HOXB13: variants seen among roughly 807,000 people sequenced by gnomAD.
HOXB13 encodes homeobox B13.
HOXB13 carries 22 observed loss-of-function variants against 23.1 expected under a neutral mutation model. The ratio of observed to expected loss-of-function variants is 0.95; its 90% confidence interval spans 0.68 to 1.36. The LOEUF (loss-of-function observed/expected upper bound fraction) is 1.36. Among genes scored for constraint, HOXB13 ranks in the 40% most tolerant of loss-of-function variants. The probability of loss-of-function intolerance (pLI) is 0.00; values close to 1 mark genes in which losing one functional copy is unlikely to be tolerated. For synonymous variants in HOXB13, 173 were observed against 157.9 expected, an observed-to-expected ratio of 1.10 and a Z score of -0.72; for missense variants, 386 against 376.2, an observed-to-expected ratio of 1.03 and a Z score of -0.22.
intron 1 of HOXB13, 122 bp downstream of exon 1, chr17:48,727,871 G>A: frequency 1.6e-6 from 2 of 1,218,514 alleles, no homozygotes; most frequent in African/African-American, 1.5e-5. Context: ...TAATAACCAA[G>A]GGAGGAGCAC....
rs2038213240 is a variant in HOXB13, at chr17:48,726,706, T to C, written c.*84A>G. 6.5e-7 allele frequency: 1 copy of C among 1,535,860 alleles called. No individual in the cohort carries two copies. Among genetic ancestry groups the C allele is most frequent in the East Asian group, 2.3e-5 (1 of 44,122 alleles). On this transcript the variant is annotated 3_prime_UTR_variant, in exon 2 of 2. Transcript: ENST00000290295. ...CTCTAGGGGCCTCTCAGCAGAGTCC[T>C]TGGCCCCAGCCTGGGCTTGGCAGGT... is the stretch of plus-strand genomic sequence containing the variant.
chr17:48,726,057 T>C lies in HOXB13; in HGVS notation c.*733A>G, dbSNP rs570975321. 4.6e-5 allele frequency: 7 copies of C among 152,400 alleles called. No homozygotes were observed. Among genetic ancestry groups the C allele is most frequent in the African/African-American group, 1.4e-4 (6 of 41,586 alleles). The allele number at this position is 152,400 out of a possible 1,614,324, so 9.4% of individuals were successfully genotyped here. ...CAGAGAGTTTGGGGGAGGAAATTAA[T>C]GGTGAATTACCCAGGCACTTTCTCA... On this transcript the variant is annotated 3_prime_UTR_variant, in exon 2 of 2. Coordinates refer to ENST00000290295, the MANE Select transcript of HOXB13 (RefSeq NM_006361.6).
Position 48,728,630 on chromosome 17 carries a change from G to A in HOXB13, c.-37C>T. The A allele has an allele frequency of 6.2e-7, 1 of 1,605,498 alleles. No individual in the cohort carries two copies. The highest frequency in any genetic ancestry group is 1.3e-5 in the African/African-American group (1 of 74,820). ...TCGGCTCATGAGGTGCGGGGGCGGG[G>A]AATCTAGGGGGCACCCAGCTCGCTC... On this transcript the variant is annotated 5_prime_UTR_variant, in exon 1 of 2. Coordinates refer to ENST00000290295, the MANE Select transcript of HOXB13 (RefSeq NM_006361.6).
In HOXB13 at chr17:48,726,783, A is replaced by G. The variant is rs1326620859; in HGVS notation, c.*7T>C. ...TTTCGCTCCTCCCACCCAGGCAAGG[A>G]GATCTCTTAAGGGGTAGCGCTGTTC... On this transcript the variant is annotated 3_prime_UTR_variant, in exon 2 of 2. Transcript: ENST00000290295. 1 of 1,612,174 alleles carries G rather than the reference A, an allele frequency of 6.2e-7. No individual in the cohort carries two copies. The highest frequency in any genetic ancestry group is 1.7e-5 in the Admixed American group (1 of 59,970).
rs868133556 is a variant in HOXB13 at position 48,728,017 on chromosome 17, G to C, written c.577C>G (p.Pro193Ala). 1 of 1,614,126 alleles carries C rather than the reference G, an allele frequency of 6.2e-7. No homozygotes were observed. Among genetic ancestry groups the C allele is most frequent in the African/African-American group, 1.3e-5 (1 of 75,044 alleles). Residue 193 changes from proline (P) to alanine (A), a missense_variant, in exon 1 of 2, where the codon CCC (proline) becomes GCC (alanine). Coordinates refer to ENST00000290295, the MANE Select transcript of HOXB13 (RefSeq NM_006361.6). ...CCQGEQNPPG[P>A]FWKAAFADSS... ...CCTGCAAATGCTGCCTTCCAAAAGG[G>C]ACCTGGTGGGTTCTGTTCTCCCTGG...
In HOXB13 at chr17:48,728,733, G is replaced by C; in HGVS notation, c.-140C>G. The C allele has an allele frequency of 1.3e-6, 1 of 789,110 alleles. No homozygotes were observed. Among genetic ancestry groups the C allele is most frequent in the Non-Finnish European group, 2.0e-6 (1 of 500,498 alleles). The allele number at this position is 789,110 out of a possible 1,614,324, so 48.9% of individuals were successfully genotyped here. On this transcript the variant is annotated 5_prime_UTR_variant, in exon 1 of 2. Coordinates refer to ENST00000290295, the MANE Select transcript of HOXB13 (RefSeq NM_006361.6). ...AAGTCGCCTGCATTCGCTCAGCACG[G>C]CCGTCTTGACGCAAGAGACGCAGGG...
rs1335870843 is a variant in HOXB13, at chr17:48,726,699, A to C, written c.*91T>G. ...GTGTTGTCTCTAGGGGCCTCTCAGC[A>C]GAGTCCTTGGCCCCAGCCTGGGCTT... On this transcript the variant is annotated 3_prime_UTR_variant, in exon 2 of 2. Coordinates refer to ENST00000290295, the MANE Select transcript of HOXB13 (RefSeq NM_006361.6). 1.2e-5 allele frequency: 18 copies of C among 1,498,376 alleles called. No individual in the cohort carries two copies. The highest frequency in any genetic ancestry group is 1.6e-5 in the Non-Finnish European group (18 of 1,105,918). 92.8% of individuals were successfully genotyped at this position (1,498,376 alleles called of 1,614,324 possible). A position where few individuals can be genotyped will look rare whatever the true frequency, so the allele number is the denominator to read the frequency against.
chr17:48,728,630 G>C lies in HOXB13; in HGVS notation c.-37C>G. 6.2e-7 allele frequency: 1 copy of C among 1,605,498 alleles called. No individual in the cohort carries two copies. The highest frequency in any genetic ancestry group is 1.1e-5 in the South Asian group (1 of 90,224). ...TCGGCTCATGAGGTGCGGGGGCGGG[G>C]AATCTAGGGGGCACCCAGCTCGCTC... On this transcript the variant is annotated 5_prime_UTR_variant, in exon 1 of 2. Coordinates refer to ENST00000290295, the MANE Select transcript of HOXB13 (RefSeq NM_006361.6).
At position 48,726,446 on chromosome 17, in the gene HOXB13, C is replaced by G; in HGVS notation, c.*344G>C. 1 of 249,596 alleles carries G rather than the reference C, an allele frequency of 4.0e-6. No individual in the cohort carries two copies. The highest frequency in any genetic ancestry group is 1.1e-4 in the South Asian group (1 of 8,700). The allele number at this position is 249,596 out of a possible 1,614,324, so 15.5% of individuals were successfully genotyped here. ...TTAGCTCAATTCATGAAAGCGGTTT[C>G]TAAAGTGCTCTACAGAGCTCTAGAT... On this transcript the variant is annotated 3_prime_UTR_variant, in exon 2 of 2. Coordinates refer to ENST00000290295, the MANE Select transcript of HOXB13 (RefSeq NM_006361.6).
Position 48,726,728 on chromosome 17 carries a change from AG to A in HOXB13, c.*61del. The A allele has an allele frequency of 6.3e-7, 1 of 1,583,538 alleles. No homozygotes were observed. Among genetic ancestry groups the A allele is most frequent in the Non-Finnish European group, 8.6e-7 (1 of 1,163,028 alleles). ...TCCTTGGCCCCAGCCTGGGCTTGGC[AG>A]GTTCCTGGTCTCCCCAGGACACCCC... On this transcript the variant is annotated 3_prime_UTR_variant, in exon 2 of 2. Transcript: ENST00000290295.
rs1030565733 is a variant in HOXB13 at position 48,726,441 on chromosome 17, G to A, written c.*349C>T. ...CATAATTAGCTCAATTCATGAAAGC[G>A]GTTTCTAAAGTGCTCTACAGAGCTC... On this transcript the variant is annotated 3_prime_UTR_variant, in exon 2 of 2. Transcript: ENST00000290295. 3.9e-5 allele frequency: 9 copies of A among 231,378 alleles called. No homozygotes were observed. The highest frequency in any genetic ancestry group is 7.6e-5 in the Non-Finnish European group (9 of 118,714). 14.3% of individuals were successfully genotyped at this position (231,378 alleles called of 1,614,324 possible).
rs924383562 is a variant in HOXB13 at position 48,728,692 on chromosome 17, A to G, written c.-99T>C. 2.1e-5 allele frequency: 25 copies of G among 1,193,522 alleles called. 1 individual carries two copies. In the South Asian group the frequency reaches 2.5e-4, roughly 12 times the overall value. 73.9% of individuals were successfully genotyped at this position (1,193,522 alleles called of 1,614,324 possible). A position where few individuals can be genotyped will look rare whatever the true frequency, so the allele number is the denominator to read the frequency against. ...GCCGGGGGAATCCAAAGCGTTTTAA[A>G]TCGCTCCCAGCTCGCAAGTCGCCTG... On this transcript the variant is annotated 5_prime_UTR_variant, in exon 1 of 2. Transcript: ENST00000290295.
At position 48,725,018 on chromosome 17, in the gene HOXB13, G is replaced by C. The variant is rs904661714; in HGVS notation, c.*1772C>G. 27 of 203,256 alleles carry C rather than the reference G, an allele frequency of 1.3e-4. No individual in the cohort carries two copies. The highest frequency in any genetic ancestry group is 6.0e-4 in the African/African-American group (26 of 43,498). 12.6% of individuals were successfully genotyped at this position (203,256 alleles called of 1,614,324 possible). A position where few individuals can be genotyped will look rare whatever the true frequency, so the allele number is the denominator to read the frequency against. ...CCCTCCCCACAGGCCCATCTGCGCT[G>C]AACTCTCGCCAGTTCCGAAGTCGGC... On this transcript the variant is annotated 3_prime_UTR_variant, in exon 2 of 2. Transcript: ENST00000290295.
In HOXB13 at chr17:48,728,567, C is replaced by A; in HGVS notation, c.27G>T (p.Leu9Phe). Residue 9 changes from leucine to phenylalanine, a missense_variant, in exon 1 of 2, where the codon TTG becomes TTT. Coordinates refer to ENST00000290295, the MANE Select transcript of HOXB13 (RefSeq NM_006361.6). MEPGNYAT[L>F]DGAKDIEGLL... is the part of the protein sequence containing the mutation. ...AGCCTTCGATATCCTTGGCTCCATC[C>A]AAGGTGGCATAATTGCCGGGCTCCA... is the stretch of plus-strand genomic sequence containing the variant. 1 of 1,612,670 alleles carries A rather than the reference C, an allele frequency of 6.2e-7. No homozygotes were observed. Among genetic ancestry groups the A allele is most frequent in the South Asian group, 1.1e-5 (1 of 91,038 alleles).
Position 48,725,427 on chromosome 17 carries a change from C to CCCGA in HOXB13, c.*1359_*1362dup, listed in dbSNP as rs2038197632. ...GAGAGGAGACAGGGCTAGGATCCCA[C>CCCGA]CCGACCGCGGGCCATAAACACTTGG... is the stretch of plus-strand genomic sequence containing the variant. On this transcript the variant is annotated 3_prime_UTR_variant, in exon 2 of 2. Transcript: ENST00000290295. The CCCGA allele has an allele frequency of 5.3e-5, 8 of 152,224 alleles. No individual in the cohort carries two copies. Among genetic ancestry groups the CCCGA allele is most frequent in the Admixed American group, 5.2e-4 (8 of 15,282 alleles). 9.4% of individuals were successfully genotyped at this position (152,224 alleles called of 1,614,324 possible).
chr17:48,726,820 G>A lies in HOXB13; in HGVS notation c.825C>T (p.Leu275=), dbSNP rs750156094. The A allele has an allele frequency of 2.5e-6, 4 of 1,614,038 alleles. No homozygotes were observed. Among genetic ancestry groups the A allele is most frequent in the Admixed American group, 1.7e-5 (1 of 59,998 alleles). Residue 275 remains leucine, a synonymous_variant, in exon 2 of 2, where the codon CTC becomes CTT. Transcript: ENST00000290295. ...QNRRVKEKKV[L]AKVKNSATP ...GGGTAGCGCTGTTCTTCACCTTGGC[G>A]AGAACCTTCTTCTCTTTGACCCGGC...
rs775273363 is a variant in HOXB13 at position 48,728,211 on chromosome 17, G to A, written c.383C>T (p.Ala128Val). The A allele has an allele frequency of 1.9e-6, 3 of 1,614,216 alleles. No individual in the cohort carries two copies. The highest frequency in any genetic ancestry group is 1.7e-6 in the Non-Finnish European group (2 of 1,180,046). ...GGTTCCCGGATATCCCGGATAGAAGGCAAACTCAGTGGGGCGGCTGGGGTA... is the reference window on the plus strand; with the variant it reads ...GGTTCCCGGATATCCCGGATAGAAGACAAACTCAGTGGGGCGGCTGGGGTA... ...EEYPSRPTEFAFYPGYPGTYQ... is the reference protein window; with the variant it reads ...EEYPSRPTEFVFYPGYPGTYQ... The change falls in exon 1 of 2, where the codon GCC becomes GTC. Residue 128 changes from alanine (A) to valine (V), a missense_variant. Transcript: ENST00000290295.
rs1321649246 is a variant in HOXB13, at chr17:48,728,444, G to C, written c.150C>G (p.Pro50=). The C allele has an allele frequency of 1.9e-6, 3 of 1,613,194 alleles. No homozygotes were observed. The East Asian group carries it at 6.7e-5, about 36-fold the overall frequency. Residue 50 remains proline (P), a synonymous_variant, in exon 1 of 2, where the codon CCC becomes CCG. Coordinates refer to ENST00000290295, the MANE Select transcript of HOXB13 (RefSeq NM_006361.6). ...GCTCCGCCGAGCCTGGCAGATCCAA[G>C]GGGGCATAGTTGACAGCAGGCATCA... ...PTLMPAVNYA[P]LDLPGSAEPP...
At chr17:48,727,444 C>T (rs987258151) in intron 1 of HOXB13, among the ~76,000 whole-genome samples, 59 of 137,266 alleles carry the variant, frequency 4.3e-4, no homozygotes, top group African/African-American at 1.6e-3. Context: ...AATACATGCG[C>T]ATACACACAC....
Sources: gnomAD v4.1 joint callset for allele counts (sites outside exome capture counted in the v4.1 genomes callset) on GRCh38, gnomAD v4.1.1 for gene constraint, MANE v1.5 for transcripts, NCBI Gene and HGNC (gene_info 2026-07-23, HGNC 2026-07-21) for gene names.